RIMS3: variants seen among roughly 807,000 people sequenced by gnomAD.
RIMS3 encodes regulating synaptic membrane exocytosis 3.
Under a neutral mutation model 29.2 loss-of-function variants are expected in RIMS3, and 15 were observed. That is an observed-to-expected ratio of 0.51 (90% CI 0.34 to 0.79). The LOEUF (loss-of-function observed/expected upper bound fraction) is 0.79. Among genes scored for constraint, RIMS3 ranks in the 30% least tolerant of loss-of-function variants. The pLI is 0.01. For synonymous variants in RIMS3, 161 were observed against 170.1 expected (o/e 0.95, Z 0.41); for missense variants, 342 against 421.4 (o/e 0.81, Z 1.65).
chr1:40,638,803 G>A (rs3767955), intron 3 of RIMS3, among the ~76,000 whole-genome samples: 39,981 of 152,134 alleles, frequency 0.26, 5,818 homozygotes, highest in Non-Finnish European at 0.33. Flanking sequence ...GATCCAGAAG[G>A]AAACTGGGAG....
At chr1:40,653,902 G>A (rs911341496) in intron 1 of RIMS3, among the ~76,000 whole-genome samples, 1 of 152,114 alleles carries the variant, frequency 6.6e-6, no homozygotes, top group Non-Finnish European at 1.5e-5. Context: ...CACCCTAGCT[G>A]GTGGATACTG....
chr1:40,643,256 C>T (rs929923993), intron 2 of RIMS3, among the ~76,000 whole-genome samples: 2 of 151,914 alleles, frequency 1.3e-5, no homozygotes, highest in South Asian at 2.1e-4. Context: ...CTCAGCCTCC[C>T]GAGTAGCTGG....
chr1:40,628,965 A>G lies in RIMS3; in HGVS notation c.575-16T>C. 1 of 1,612,738 alleles carries G rather than the reference A, an allele frequency of 6.2e-7. No individual in the cohort carries two copies. Among genetic ancestry groups the G allele is most frequent in the South Asian group, 1.1e-5 (1 of 91,008 alleles). Reference sequence around the variant, plus strand: ...ATATAGGTGGCTAAGGGAGGAGAGAATGTATGACAGGGAGGGGTCCAGGAC... The same window carrying G: ...ATATAGGTGGCTAAGGGAGGAGAGAGTGTATGACAGGGAGGGGTCCAGGAC... On this transcript the variant is annotated splice_polypyrimidine_tract_variant and intron_variant, in intron 6 of 7. Coordinates refer to ENST00000372684, the MANE Select transcript of RIMS3 (RefSeq NM_014747.3).
chr1:40,688,481 G>A, the RIMS3 span, among the ~76,000 whole-genome samples: 1 of 152,154 alleles, frequency 6.6e-6, no homozygotes, highest in Non-Finnish European at 1.5e-5. Context: ...GGGGTGTCTT[G>A]TATTTGCCAA....
chr1:40,682,308 A>G, the RIMS3 span, among the ~76,000 whole-genome samples: 5 of 152,200 alleles, frequency 3.3e-5, no homozygotes, highest in African/African-American at 1.2e-4. Context: ...TAGTACCATC[A>G]TACACTTAGC....
At chr1:40,629,433 G>T in intron 5 of RIMS3, 61 bp from the exon 6 acceptor site, 1 of 1,353,022 alleles carries the variant, frequency 7.4e-7, no homozygotes, top group Non-Finnish European at 1.1e-6. Context: ...CCAGCCAGCT[G>T]CTGTACTGAA....
intron 2 of RIMS3, among the ~76,000 whole-genome samples, chr1:40,646,537 C>T (rs1646597054): frequency 6.6e-6 from 1 of 152,166 alleles, no homozygotes; most frequent in Non-Finnish European, 1.5e-5. Context: ...GGAAGGAAAC[C>T]GTCCTATGAT....
At chr1:40,684,782 C>A in the RIMS3 span, among the ~76,000 whole-genome samples, 1 of 152,138 alleles carries the variant, frequency 6.6e-6, no homozygotes, top group Non-Finnish European at 1.5e-5. Flanking sequence ...ATTGTTATAG[C>A]CAGCTCCTTC....
chr1:40,631,048 C>T (rs1646486007), intron 5 of RIMS3, among the ~76,000 whole-genome samples: 1 of 152,212 alleles, frequency 6.6e-6, no homozygotes, highest in Non-Finnish European at 1.5e-5. Context: ...GGACACTGCA[C>T]TTGGCTTCCT....
At chr1:40,678,913 G>T in the RIMS3 span, among the ~76,000 whole-genome samples, 1 of 152,214 alleles carries the variant, frequency 6.6e-6, no homozygotes, top group East Asian at 1.9e-4. Context: ...CAGAGAACTG[G>T]TTAGAAATCT....
At chr1:40,686,522 T>C in the RIMS3 span, among the ~76,000 whole-genome samples, 2 of 152,034 alleles carry the variant, frequency 1.3e-5, no homozygotes, top group African/African-American at 4.8e-5. Flanking sequence ...CCGAGCATGG[T>C]CGCTGGTGCC....
the RIMS3 span, chr1:40,692,043 C>T: frequency 1.0e-5 from 2 of 200,634 alleles, no homozygotes; most frequent in South Asian, 4.6e-5. Flanking sequence ...GCTGTCGCCG[C>T]CGCCGCGCTC....
the RIMS3 span, chr1:40,691,141 C>T: frequency 1.3e-5 from 2 of 152,308 alleles, no homozygotes; most frequent in East Asian, 3.8e-4. Flanking sequence ...TTAAAATCTG[C>T]ATTCAAATAA....
chr1:40,668,249 CAAA>C (rs35624303), upstream of RIMS3, among the ~76,000 whole-genome samples: 45,281 of 106,284 alleles, frequency 0.43, 8,868 homozygotes, highest in Non-Finnish European at 0.48. Flanking sequence ...GACTCTGTCT[CAAA>C]AAAAAAAAAA....
In RIMS3 at chr1:40,636,157, G is replaced by A; in HGVS notation, c.218-100C>T. ...CCAAAGTCACTCTCTTGGCATGGGG[G>A]GTTGATGGGGAGGATGAGCAGGGCT... On this transcript the variant is annotated intron_variant, in intron 3 of 7. Transcript: ENST00000372684. This position sits in a 1 kb window ranked among gnomAD's most constrained non-coding sequence, Gnocchi z 4.2. 6.9e-7 allele frequency: 1 copy of A among 1,446,336 alleles called. No homozygotes were observed. The allele number at this position is 1,446,336 out of a possible 1,614,324, so 89.6% of individuals were successfully genotyped here.
In RIMS3 at chr1:40,635,599, C is replaced by T. The variant is rs1646514136; in HGVS notation, c.359+317G>A. On this transcript the variant is annotated intron_variant, in intron 4 of 7. Transcript: ENST00000372684. The surrounding 1 kb of genome is among the most constrained non-coding windows in gnomAD (Gnocchi z 4.1). The stretch of plus-strand genomic sequence containing the variant: ...TAAAAGGATTTTAGGGCCACATTTT[C>T]CTTTCCACCCTTTCCTCTGGAGCAG... Among the ~76,000 whole-genome samples, 1 of 152,194 alleles carries T rather than the reference C, an allele frequency of 6.6e-6. No individual in the cohort carries two copies. The highest frequency in any genetic ancestry group is 2.4e-5 in the African/African-American group (1 of 41,452).
chr1:40,628,639 A>C (rs1309890878), intron 7 of RIMS3, among the ~76,000 whole-genome samples, 171 bp downstream of exon 7: 1 of 152,192 alleles, frequency 6.6e-6, no homozygotes, highest in Non-Finnish European at 1.5e-5. Flanking sequence ...TGGTTTCCTT[A>C]TGAATCAACT....
chr1:40,634,863 C>A (rs926003411), intron 4 of RIMS3, among the ~76,000 whole-genome samples: 7 of 151,840 alleles, frequency 4.6e-5, no homozygotes, highest in African/African-American at 1.7e-4. Context: ...ATCGCTTGAA[C>A]CTGGGAGGTG....
chr1:40,677,898 A>C, the RIMS3 span, among the ~76,000 whole-genome samples: 1 of 152,094 alleles, frequency 6.6e-6, no homozygotes, highest in African/African-American at 2.4e-5. Context: ...TGTACCCTCT[A>C]CAGAGACTTA....
Sources: allele counts gnomAD v4.1 joint callset (sites outside exome capture counted in the v4.1 genomes callset), GRCh38; gene constraint gnomAD v4.1.1; non-coding constraint Gnocchi (gnomAD v3.1); transcripts MANE v1.5; gene names NCBI Gene and HGNC (gene_info 2026-07-23, HGNC 2026-07-21).